DCAF6: variants seen among roughly 807,000 people sequenced by gnomAD.
DCAF6 encodes the protein DDB1 and CUL4 associated factor 6, also known as DDB1- and CUL4-associated factor 6.
Under a neutral mutation model 125.1 loss-of-function variants are expected in DCAF6, and 54 were observed. The ratio of observed to expected loss-of-function variants is 0.43; its 90% confidence interval spans 0.35 to 0.54. DCAF6 has a LOEUF of 0.54. DCAF6 is among the 20% of genes least tolerant of loss of function. The pLI is 0.01. For synonymous variants in DCAF6, 371 were observed against 390.4 expected (o/e 0.95, Z 0.58); for missense variants, 934 against 1,161.7 (o/e 0.80, Z 2.85).
chr1:167,940,693 T>TTATCTTTACAAA (rs1672109742), intron 1 of DCAF6, among the ~76,000 whole-genome samples: 1 of 152,170 alleles, frequency 6.6e-6, no homozygotes, highest in South Asian at 2.1e-4. Context: ...TAAACATTGT[T>TTATCTTTACAAA]AATAAAATAA....
chr1:167,979,895 T>C (rs144017072), intron 4 of DCAF6, among the ~76,000 whole-genome samples: 25 of 150,726 alleles, frequency 1.7e-4, no homozygotes, highest in Middle Eastern at 3.4e-3. Flanking sequence ...TCAAAATAAA[T>C]AAACAGGCTG....
the DCAF6 span, among the ~76,000 whole-genome samples, chr1:167,898,885 G>A: frequency 6.6e-6 from 1 of 151,922 alleles, no homozygotes; most frequent in South Asian, 2.1e-4. Flanking sequence ...TTTTTTAATT[G>A]TCCATATCCC....
the DCAF6 span, among the ~76,000 whole-genome samples, chr1:167,864,887 G>T: frequency 3.9e-5 from 5 of 128,536 alleles, 1 homozygote; most frequent in Middle Eastern, 0.02. Context: ...CAGCTGCTTT[G>T]CTAACAGGAA....
chr1:168,004,475 AG>A, intron 9 of DCAF6, 57 bp from the exon 10 acceptor site: 1 of 1,522,182 alleles, frequency 6.6e-7, no homozygotes, highest in Non-Finnish European at 9.1e-7. Flanking sequence ...ATCTGTTTAG[AG>A]TTGTTGGTTT....
At chr1:168,054,879 T>TG (rs1188251527) in intron 17 of DCAF6, among the ~76,000 whole-genome samples, 1 of 151,040 alleles carries the variant, frequency 6.6e-6, no homozygotes, top group Non-Finnish European at 1.5e-5. Flanking sequence ...TGCAGTGGTG[T>TG]GAACTCGGCT....
intron 1 of DCAF6, among the ~76,000 whole-genome samples, chr1:167,947,573 A>C (rs1443949111): frequency 6.6e-6 from 1 of 151,650 alleles, no homozygotes; most frequent in African/African-American, 2.4e-5. Flanking sequence ...TTACATTTTC[A>C]TTTGTTTCAA....
chr1:167,882,797 C>G, the DCAF6 span, among the ~76,000 whole-genome samples: 1 of 152,172 alleles, frequency 6.6e-6, no homozygotes, highest in Admixed American at 6.5e-5. Flanking sequence ...CTCCCCCTTA[C>G]TAGCTTGATG....
At chr1:167,901,278 C>T in the DCAF6 span, among the ~76,000 whole-genome samples, 6 of 152,072 alleles carry the variant, frequency 3.9e-5, no homozygotes, top group East Asian at 1.2e-3. Context: ...AGTCTCATGT[C>T]GTTGCTGAAA....
the DCAF6 span, among the ~76,000 whole-genome samples, chr1:167,878,976 A>G: frequency 2.6e-5 from 4 of 152,240 alleles, no homozygotes; most frequent in South Asian, 2.1e-4. Context: ...TTCTGCCACA[A>G]GGTGGACAAG....
At chr1:167,892,208 G>A in the DCAF6 span, among the ~76,000 whole-genome samples, 1 of 152,164 alleles carries the variant, frequency 6.6e-6, no homozygotes, top group African/African-American at 2.4e-5. Context: ...CTGGGCTCAA[G>A]TGATCCACCT....
chr1:167,930,457 G>A, the DCAF6 span, among the ~76,000 whole-genome samples: 1 of 152,034 alleles, frequency 6.6e-6, no homozygotes, highest in South Asian at 2.1e-4. Flanking sequence ...ATCCAACAAG[G>A]ATAAAAAACT....
intron 1 of DCAF6, among the ~76,000 whole-genome samples, chr1:167,942,903 C>G (rs1672467036): frequency 6.6e-6 from 1 of 151,982 alleles, no homozygotes; most frequent in Non-Finnish European, 1.5e-5. Context: ...TAGTGTGATA[C>G]TTTAAACTTG....
chr1:167,992,889 GTTATC>G (rs1417709239), intron 6 of DCAF6, among the ~76,000 whole-genome samples: 1 of 152,078 alleles, frequency 6.6e-6, no homozygotes, highest in South Asian at 2.1e-4. Context: ...GTAAAAATTT[GTTATC>G]TTAATTTGGG....
intron 11 of DCAF6, among the ~76,000 whole-genome samples, chr1:168,016,411 A>G (rs970640455): frequency 4.6e-5 from 7 of 152,178 alleles, no homozygotes; most frequent in African/African-American, 1.7e-4. Flanking sequence ...ATTTGGCCAT[A>G]CTAGCATGCT....
the DCAF6 span, among the ~76,000 whole-genome samples, chr1:167,881,757 GA>G: frequency 6.6e-6 from 1 of 152,204 alleles, no homozygotes; most frequent in Non-Finnish European, 1.5e-5. Context: ...GAAGTTCAAT[GA>G]CTTGCTAAGT....
At chr1:167,915,736 C>T in the DCAF6 span, among the ~76,000 whole-genome samples, 1 of 152,200 alleles carries the variant, frequency 6.6e-6, no homozygotes, top group Non-Finnish European at 1.5e-5. Context: ...CAGGCATGCA[C>T]CACCGCGCCT....
At chr1:167,932,205 T>C (rs370906281), upstream of DCAF6, among the ~76,000 whole-genome samples, 15 of 152,328 alleles carry the variant, frequency 9.8e-5, no homozygotes, top group East Asian at 2.7e-3. Context: ...CCAGCTCCTC[T>C]TGAACATATG....
chr1:167,986,515 A>G (rs1680030934), intron 4 of DCAF6, among the ~76,000 whole-genome samples: 1 of 152,216 alleles, frequency 6.6e-6, no homozygotes, highest in Non-Finnish European at 1.5e-5. Context: ...TGTATAGCAG[A>G]GGCACCAGGA....
intron 3 of DCAF6, chr1:167,969,376 T>C (rs1270472656): frequency 2.0e-5 from 3 of 152,152 alleles, no homozygotes; most frequent in Non-Finnish European, 2.9e-5. Flanking sequence ...CTTCATGATA[T>C]ACAATTCGAT....
Sources: gnomAD v4.1 joint callset for allele counts (sites outside exome capture counted in the v4.1 genomes callset) on GRCh38, gnomAD v4.1.1 for gene constraint, MANE v1.5 for transcripts, NCBI Gene and HGNC (gene_info 2026-07-23, HGNC 2026-07-21) for gene names.